Variants in LRIF1 observed in about 807,000 individuals in gnomAD.
The protein encoded by LRIF1 is ligand-dependent nuclear receptor-interacting factor 1.
A neutral mutation model predicts 52.7 loss-of-function variants in LRIF1; 32 were observed. The ratio of observed to expected loss-of-function variants is 0.61; its 90% CI spans 0.46 to 0.82. The LOEUF is 0.82. Among genes scored for constraint, LRIF1 ranks in the 40% least tolerant of loss-of-function variants. The probability of loss-of-function intolerance (pLI) is 0.00; values close to 1 mark genes in which losing one functional copy is unlikely to be tolerated. For synonymous variants in LRIF1, 323 were observed against 317.4 expected, an observed-to-expected ratio of 1.02 and a Z score of -0.19; for missense variants, 887 against 892.0, an observed-to-expected ratio of 0.99 and a Z score of 0.07.
the LRIF1 span, among the ~76,000 whole-genome samples, chr1:110,928,682 G>A: frequency 1.3e-5 from 2 of 152,136 alleles, no homozygotes; most frequent in Non-Finnish European, 2.9e-5. Flanking sequence ...ACAGGGAGCA[G>A]GCCATGCAGC....
chr1:110,915,256 C>A, the LRIF1 span, among the ~76,000 whole-genome samples: 1 of 151,958 alleles, frequency 6.6e-6, no homozygotes, highest in East Asian at 1.9e-4. Context: ...GAGGCCGAGG[C>A]GGGCGGATCA....
chr1:110,889,632 GCTGTATGCCAGT>G, the LRIF1 span, among the ~76,000 whole-genome samples: 1 of 152,060 alleles, frequency 6.6e-6, no homozygotes, highest in East Asian at 1.9e-4. Flanking sequence ...TACCGGTCTT[GCTGTATGCCAGT>G]CTGTGTGATA....
chr1:110,884,878 C>A, the LRIF1 span, among the ~76,000 whole-genome samples: 1 of 151,760 alleles, frequency 6.6e-6, no homozygotes, highest in African/African-American at 2.4e-5. Flanking sequence ...ATAATTGGGT[C>A]TTGTTTTTTC....
the LRIF1 span, among the ~76,000 whole-genome samples, chr1:110,876,926 T>C: frequency 6.6e-6 from 1 of 152,212 alleles, no homozygotes; most frequent in Non-Finnish European, 1.5e-5. Context: ...GTAATTTGAT[T>C]GATGCCCTTT....
At chr1:110,897,150 T>A in the LRIF1 span, among the ~76,000 whole-genome samples, 1 of 152,166 alleles carries the variant, frequency 6.6e-6, no homozygotes, top group South Asian at 2.1e-4. Context: ...CTTAGGGAAA[T>A]GAATCATAGG....
chr1:110,884,540 C>A, the LRIF1 span, among the ~76,000 whole-genome samples: 1 of 152,098 alleles, frequency 6.6e-6, no homozygotes, highest in African/African-American at 2.4e-5. Context: ...ATTCCATCAA[C>A]TATTGAGAGA....
chr1:110,882,069 CT>C, the LRIF1 span, among the ~76,000 whole-genome samples: 2 of 152,142 alleles, frequency 1.3e-5, no homozygotes, highest in Admixed American at 1.3e-4. Flanking sequence ...TGTGCCTTGT[CT>C]TTTCATTCTC....
the LRIF1 span, among the ~76,000 whole-genome samples, chr1:110,930,040 T>C: frequency 6.6e-6 from 1 of 152,142 alleles, no homozygotes; most frequent in Non-Finnish European, 1.5e-5. Context: ...GAAATCAACG[T>C]TTGGTGCGAT....
the LRIF1 span, among the ~76,000 whole-genome samples, chr1:110,928,179 CTAGA>C: frequency 2.6e-5 from 4 of 152,196 alleles, no homozygotes; most frequent in Middle Eastern, 3.4e-3. Context: ...TTACAAGTGT[CTAGA>C]TATACTGATA....
chr1:110,887,965 G>C, the LRIF1 span, among the ~76,000 whole-genome samples: 1 of 152,316 alleles, frequency 6.6e-6, no homozygotes, highest in East Asian at 1.9e-4. Context: ...GATTAGCCAG[G>C]TGGTTCTTAT....
At chr1:110,938,074 TC>T in the LRIF1 span, 1 of 151,994 alleles carries the variant, frequency 6.6e-6, no homozygotes, top group South Asian at 2.1e-4. Context: ...TAAAAAGTCT[TC>T]CGGTAAAGAA....
chr1:110,903,313 A>C, the LRIF1 span, among the ~76,000 whole-genome samples: 5 of 152,172 alleles, frequency 3.3e-5, no homozygotes, highest in Admixed American at 2.0e-4. Flanking sequence ...GAGTGCTGGC[A>C]TCACCCTTCC....
the LRIF1 span, among the ~76,000 whole-genome samples, chr1:110,887,157 G>C: frequency 6.6e-6 from 1 of 151,756 alleles, no homozygotes; most frequent in East Asian, 1.9e-4. Context: ...TCCGTCTCCC[G>C]GGTTCACGCC....
the LRIF1 span, among the ~76,000 whole-genome samples, chr1:110,916,773 A>G: frequency 1.3e-5 from 2 of 152,242 alleles, no homozygotes; most frequent in Non-Finnish European, 2.9e-5. Context: ...ATAAAAGCCA[A>G]TGAAGCTGTA....
At chr1:110,934,067 G>A in the LRIF1 span, among the ~76,000 whole-genome samples, 1 of 152,142 alleles carries the variant, frequency 6.6e-6, no homozygotes, top group South Asian at 2.1e-4. Flanking sequence ...GCTCCTGGAT[G>A]ACATTTCTAA....
the LRIF1 span, among the ~76,000 whole-genome samples, chr1:110,910,162 G>C: frequency 6.6e-6 from 1 of 151,612 alleles, no homozygotes; most frequent in Non-Finnish European, 1.5e-5. Flanking sequence ...ATCTAAACTT[G>C]ACACTTGAAA....
chr1:110,939,282 G>A, the LRIF1 span: 7 of 150,358 alleles, frequency 4.7e-5, no homozygotes, highest in Non-Finnish European at 1.0e-4. Flanking sequence ...GGAGGCTGAG[G>A]CAGGAGAATG....
chr1:110,913,201 G>A, the LRIF1 span, among the ~76,000 whole-genome samples: 42 of 152,206 alleles, frequency 2.8e-4, no homozygotes, highest in African/African-American at 7.7e-4. Context: ...AATGTGAGAC[G>A]TAAAACTATA....
the LRIF1 span, among the ~76,000 whole-genome samples, chr1:110,893,736 G>A: frequency 1.2e-4 from 18 of 152,192 alleles, no homozygotes; most frequent in Non-Finnish European, 2.5e-4. Context: ...CATGGGGTAA[G>A]GCAAATGTTT....
Sources: gnomAD v4.1 joint callset for allele counts (sites outside exome capture counted in the v4.1 genomes callset) on GRCh38, gnomAD v4.1.1 for gene constraint, MANE v1.5 for transcripts, NCBI Gene and HGNC (gene_info 2026-07-23, HGNC 2026-07-21) for gene names.